The following UGT1A9 variants were observed in gnomAD, a reference collection of about 807,000 sequenced individuals.
UGT1A9 encodes the protein UDP-glucuronosyltransferase 1A9.
UGT1A9 carries 35 observed loss-of-function variants against 45.0 expected under a neutral mutation model. That is an observed-to-expected ratio of 0.78 (90% CI 0.59 to 1.03). The LOEUF is 1.03. UGT1A9 is among the 50% of genes least tolerant of loss of function. The probability of loss-of-function intolerance (pLI) is 0.00; values close to 1 mark genes in which losing one functional copy is unlikely to be tolerated. For synonymous variants in UGT1A9, 278 were observed against 250.6 expected (o/e 1.11, Z -1.03); for missense variants, 687 against 666.6 (o/e 1.03, Z -0.34).
chr2:233,770,228 A>T (rs1355142630), intron 4 of UGT1A9: 1 of 152,236 alleles, frequency 6.6e-6, no homozygotes, highest in Non-Finnish European at 1.5e-5. Context: ...TCTGATTGTG[A>T]ATCTCCATGA....
rs4124874 is a variant in UGT1A9, at chr2:233,757,013, T to G, written c.856-10021T>G. On this transcript the variant is annotated intron_variant, in intron 1 of 4. Coordinates refer to ENST00000354728, the MANE Select transcript of UGT1A9 (RefSeq NM_021027.3). ...AAGCTGGCCAAGGGTAGAGTTCAGT[T>G]TGAACAAAGCAATTTGAGAACATCA... Among the ~76,000 whole-genome samples the G allele has an allele frequency of 0.56, 83,838 of 151,034 alleles. 25,476 individuals are homozygous for G. The highest frequency in any genetic ancestry group is 0.82 in the African/African-American group (33,726 of 41,116).
intron 1 of UGT1A9, chr2:233,747,447 A>G (rs757762144): frequency 1.5e-4 from 248 of 1,608,780 alleles, no homozygotes; most frequent in Non-Finnish European, 2.0e-4. Context: ...CACCCTGACA[A>G]CCTATGCCAT....
At chr2:233,755,027 C>T (rs759197919) in intron 1 of UGT1A9, 2 of 1,309,218 alleles carry the variant, frequency 1.5e-6, no homozygotes, top group African/African-American at 3.0e-5. Flanking sequence ...CCTTGAAGGG[C>T]CTGCCGCCTG....
At position 233,681,832 on chromosome 2, in the gene UGT1A9, T is replaced by G. The variant is rs28969712; in HGVS notation, c.855+9043T>G. 5.5e-3 allele frequency: 8,299 copies of G among 1,503,360 alleles called. 357 individuals are homozygous for G. The African/African-American group carries it at 0.099, about 18-fold the overall frequency. The allele number at this position is 1,503,360 out of a possible 1,614,324, so 93.1% of individuals were successfully genotyped here. ...GTGAATTTTTTTTTAAATGAATGAA[T>G]AAGTACACGCCTTCTTTTGAGGGCA... On this transcript the variant is annotated intron_variant, in intron 1 of 4. Transcript: ENST00000354728.
At position 233,690,776 on chromosome 2, in the gene UGT1A9, T is replaced by TACACACAC. The variant is rs34459843; in HGVS notation, c.855+18004_855+18011dup. ...GTGCAGACATACACACACACACACA[T>TACACACAC]ACACACACACACACACACACACACC... On this transcript the variant is annotated intron_variant, in intron 1 of 4. Transcript: ENST00000354728. The TACACACAC allele has an allele frequency of 4.5e-6, 4 of 891,056 alleles. No homozygotes were observed. In the African/African-American group the frequency reaches 7.1e-5, roughly 16 times the overall value. The allele number at this position is 891,056 out of a possible 1,614,324, so 55.2% of individuals were successfully genotyped here. A position where few individuals can be genotyped will look rare whatever the true frequency, so the allele number is the denominator to read the frequency against.
At chr2:233,686,386 C>G (rs976765081) in intron 1 of UGT1A9, among the ~76,000 whole-genome samples, 1 of 152,054 alleles carries the variant, frequency 6.6e-6, no homozygotes, top group Non-Finnish European at 1.5e-5. Flanking sequence ...AAAGACAACT[C>G]GTGTGGGCGC....
intron 1 of UGT1A9, among the ~76,000 whole-genome samples, chr2:233,711,620 C>T (rs893432462): frequency 6.6e-6 from 1 of 152,178 alleles, no homozygotes; most frequent in African/African-American, 2.4e-5. Context: ...GTGGACAGCT[C>T]CATTCGCTGC....
chr2:233,772,929 C>T lies in UGT1A9; in HGVS notation c.*370C>T, dbSNP rs1186146273. On this transcript the variant is annotated 3_prime_UTR_variant, in exon 5 of 5. Transcript: ENST00000354728. ...CCCTACTGCAAATGGCAGTTTTAAT[C>T]TTATCTTTTGGCTTCTGCAGATGGT... The T allele has an allele frequency of 5.6e-6, 2 of 355,154 alleles. No individual in the cohort carries two copies. Among genetic ancestry groups the T allele is most frequent in the Non-Finnish European group, 1.0e-5 (2 of 197,036 alleles). The allele number at this position is 355,154 out of a possible 1,614,324, so 22.0% of individuals were successfully genotyped here. A position where few individuals can be genotyped will look rare whatever the true frequency, so the allele number is the denominator to read the frequency against.
At chr2:233,711,334 A>G (rs760435550) in intron 1 of UGT1A9, among the ~76,000 whole-genome samples, 1 of 152,216 alleles carries the variant, frequency 6.6e-6, no homozygotes, top group African/African-American at 2.4e-5. Flanking sequence ...ACACCACTGC[A>G]TGGAGATAGA....
At chr2:233,761,270 CTT>C in intron 1 of UGT1A9, 1 of 1,591,968 alleles carries the variant, frequency 6.3e-7, no homozygotes, top group Non-Finnish European at 8.6e-7. Context: ...AAAATGCCCT[CTT>C]TTGTTAATTT....
At chr2:233,759,132 G>T (rs532304308) in intron 1 of UGT1A9, among the ~76,000 whole-genome samples, 5 of 152,204 alleles carry the variant, frequency 3.3e-5, no homozygotes, top group African/African-American at 9.7e-5. Context: ...CCTCTGGTAC[G>T]CAATGAAGGT....
chr2:233,681,363 G>A (rs544380861), intron 1 of UGT1A9, among the ~76,000 whole-genome samples: 13 of 151,672 alleles, frequency 8.6e-5, no homozygotes, highest in South Asian at 2.1e-4. Context: ...GTGAAACCCC[G>A]TCTCCACTAA....
chr2:233,677,372 G>A (rs756842376), intron 1 of UGT1A9, among the ~76,000 whole-genome samples: 1 of 152,074 alleles, frequency 6.6e-6, no homozygotes, highest in Non-Finnish European at 1.5e-5. Flanking sequence ...GGACCAACCC[G>A]TGTGTAGTAG....
chr2:233,762,127 G>T (rs528651361), intron 1 of UGT1A9, among the ~76,000 whole-genome samples: 5 of 152,204 alleles, frequency 3.3e-5, no homozygotes, highest in African/African-American at 1.2e-4. Flanking sequence ...TGAGCCATGT[G>T]GGGACCTGTG....
chr2:233,751,523 AT>A (rs1694748821), intron 1 of UGT1A9, among the ~76,000 whole-genome samples: 1 of 152,210 alleles, frequency 6.6e-6, no homozygotes, highest in Admixed American at 6.5e-5. Context: ...GCAGAATGAT[AT>A]GGTTTGACTC....
intron 1 of UGT1A9, among the ~76,000 whole-genome samples, chr2:233,702,208 A>C (rs2075676180): frequency 6.6e-6 from 1 of 152,148 alleles, no homozygotes; most frequent in South Asian, 2.1e-4. Context: ...GCCATTAATC[A>C]ACTTTCTGTC....
intron 1 of UGT1A9, among the ~76,000 whole-genome samples, chr2:233,717,504 C>T (rs1170587826): frequency 6.6e-6 from 1 of 152,186 alleles, no homozygotes; most frequent in Non-Finnish European, 1.5e-5. Flanking sequence ...ATGTGGATTT[C>T]TAATGGGAGT....
chr2:233,713,607 A>T (rs1428471201), intron 1 of UGT1A9: 6 of 1,613,982 alleles, frequency 3.7e-6, no homozygotes. Flanking sequence ...AGACCACATG[A>T]CATTCCTGCA....
At chr2:233,703,597 A>G (rs1345534938) in intron 1 of UGT1A9, among the ~76,000 whole-genome samples, 2 of 152,058 alleles carry the variant, frequency 1.3e-5, no homozygotes, top group African/African-American at 2.4e-5. Flanking sequence ...GCTTCATGAT[A>G]CTGTGTCATT....
Sources: allele counts gnomAD v4.1 joint callset (sites outside exome capture counted in the v4.1 genomes callset), GRCh38; gene constraint gnomAD v4.1.1; transcripts MANE v1.5; gene names NCBI Gene and HGNC (gene_info 2026-07-23, HGNC 2026-07-21).